Variants in SNX7 observed in about 807,000 individuals in gnomAD.
SNX7 encodes the protein sorting nexin 7.
In SNX7, 35 loss-of-function variants were observed where a neutral mutation model predicts 48.4. The observed-to-expected ratio is 0.72, with a 90% CI of 0.55 to 0.96. The LOEUF is 0.96. Ranked by LOEUF, SNX7 falls within the 40% of genes least tolerant of loss-of-function variation. SNX7 has a pLI of 0.00. For synonymous variants in SNX7, 190 were observed against 190.2 expected (o/e 1.00, Z 0.01); for missense variants, 553 against 548.9 (o/e 1.01, Z -0.07).
chr1:98,738,071 C>T (rs1430460696), intron 7 of SNX7, among the ~76,000 whole-genome samples, 166 bp from the exon 8 acceptor site: 1 of 152,042 alleles, frequency 6.6e-6, no homozygotes. Context: ...TGACTGAACC[C>T]CTGTTCTTTT....
intron 4 of SNX7, among the ~76,000 whole-genome samples, chr1:98,695,043 T>G (rs1484538988): frequency 6.6e-6 from 1 of 152,200 alleles, no homozygotes; most frequent in Non-Finnish European, 1.5e-5. Flanking sequence ...GTGCCCAGAA[T>G]GTATTAAGCT....
intron 1 of SNX7, among the ~76,000 whole-genome samples, chr1:98,668,943 C>G (rs1649689219): frequency 6.6e-6 from 1 of 152,174 alleles, no homozygotes; most frequent in Admixed American, 6.5e-5. Context: ...GAGGGTGTGA[C>G]AGTTGAACTG....
At chr1:98,740,658 C>T (rs1038296355) in intron 8 of SNX7, among the ~76,000 whole-genome samples, 1 of 151,920 alleles carries the variant, frequency 6.6e-6, no homozygotes, top group Admixed American at 6.6e-5. Flanking sequence ...TTTTCAGTCT[C>T]ATTGATTGAA....
At chr1:98,759,947 A>C in intron 8 of SNX7, 107 bp from the exon 9 acceptor site, 1 of 686,392 alleles carries the variant, frequency 1.5e-6, no homozygotes. Flanking sequence ...ATGGGAGAGA[A>C]GAATAGAGCA....
At chr1:98,691,830 C>T (rs557946429) in intron 4 of SNX7, 131 bp downstream of exon 4, 1 of 666,734 alleles carries the variant, frequency 1.5e-6, no homozygotes, top group African/African-American at 1.9e-5. Flanking sequence ...TTTTCAGAAA[C>T]ACTGGAGAGT....
intron 3 of SNX7, 45 bp from the exon 4 acceptor site, chr1:98,691,490 A>G (rs2100953760): frequency 1.4e-6 from 2 of 1,469,136 alleles, no homozygotes; most frequent in Non-Finnish European, 1.8e-6. Flanking sequence ...TTATAAACCT[A>G]TGGCTAATAA....
intron 1 of SNX7, among the ~76,000 whole-genome samples, chr1:98,663,253 G>GTTTTTTTTTTTT (rs61588201): frequency 2.4e-5 from 1 of 41,508 alleles, no homozygotes; most frequent in African/African-American, 7.5e-5. Flanking sequence ...TTTCTTTCTG[G>GTTTTTTTTTTTT]TTTTTTTTTT....
intron 1 of SNX7, among the ~76,000 whole-genome samples, chr1:98,681,345 C>A (rs1012736135): frequency 1.3e-5 from 2 of 152,172 alleles, no homozygotes; most frequent in Non-Finnish European, 2.9e-5. Context: ...CACAACCAAA[C>A]CTTGTCACAG....
intron 2 of SNX7, among the ~76,000 whole-genome samples, chr1:98,690,356 C>G (rs1158114453): frequency 6.6e-6 from 1 of 151,826 alleles, no homozygotes; most frequent in African/African-American, 2.4e-5. Context: ...TGATATTGTA[C>G]CCATGTTCTT....
chr1:98,715,254 C>G (rs1316593609), intron 7 of SNX7, among the ~76,000 whole-genome samples: 1 of 152,084 alleles, frequency 6.6e-6, no homozygotes, highest in Non-Finnish European at 1.5e-5. Flanking sequence ...TAGCATGCCT[C>G]CTATTTTAAC....
chr1:98,689,592 T>A (rs1650998809), intron 2 of SNX7, among the ~76,000 whole-genome samples: 1 of 152,218 alleles, frequency 6.6e-6, no homozygotes, highest in African/African-American at 2.4e-5. Flanking sequence ...CAATCTTATT[T>A]TAACTGCTGG....
intron 6 of SNX7, among the ~76,000 whole-genome samples, 154 bp from the exon 7 acceptor site, chr1:98,701,663 A>C (rs1368339386): frequency 1.3e-5 from 2 of 151,994 alleles, no homozygotes; most frequent in Admixed American, 1.3e-4. Flanking sequence ...GAGTAACAAA[A>C]AAAAAAAAAC....
chr1:98,753,943 T>C (rs1654710706), intron 8 of SNX7, among the ~76,000 whole-genome samples: 1 of 152,106 alleles, frequency 6.6e-6, no homozygotes, highest in Admixed American at 6.6e-5. Context: ...TTTAATTTCT[T>C]TTTTTTCTTG....
intron 1 of SNX7, among the ~76,000 whole-genome samples, chr1:98,677,616 A>G (rs1353322151): frequency 6.6e-6 from 1 of 152,218 alleles, no homozygotes; most frequent in Admixed American, 6.5e-5. Context: ...GCAGTGACTC[A>G]TGCCTGTAAT....
rs1435842946 is a variant in SNX7 at position 98,684,949 on chromosome 1, TAAACC to T, written c.249_253del (p.Ile85ValfsTer2). ...ATGCCAACATCCCCTTTATCAATGA[TAAACC>T]AAATCAAGTTTGAGGATGAACCAGA... On this transcript the variant is annotated frameshift_variant, in exon 2 of 9. Coordinates refer to ENST00000306121, the MANE Select transcript of SNX7 (RefSeq NM_015976.5). LOFTEE classifies it high-confidence loss of function. 6.3e-7 allele frequency: 1 copy of T among 1,599,532 alleles called. No individual in the cohort carries two copies. The highest frequency in any genetic ancestry group is 2.2e-5 in the East Asian group (1 of 44,636).
chr1:98,721,799 G>A (rs569222653), intron 7 of SNX7, among the ~76,000 whole-genome samples: 2 of 151,996 alleles, frequency 1.3e-5, no homozygotes, highest in Admixed American at 1.3e-4. Flanking sequence ...TCTAGGCTTA[G>A]GTTATATTTT....
At chr1:98,728,483 C>T (rs1653311912) in intron 7 of SNX7, among the ~76,000 whole-genome samples, 1 of 152,086 alleles carries the variant, frequency 6.6e-6, no homozygotes, top group Non-Finnish European at 1.5e-5. Flanking sequence ...CTAAATGCTC[C>T]AATTAAAAGA....
At chr1:98,667,895 A>G (rs1380429283) in intron 1 of SNX7, among the ~76,000 whole-genome samples, 1 of 151,080 alleles carries the variant, frequency 6.6e-6, no homozygotes, top group African/African-American at 2.4e-5. Flanking sequence ...GGGCCTTACC[A>G]TTTTGATGAT....
chr1:98,749,241 T>C (rs1013607853), intron 8 of SNX7, among the ~76,000 whole-genome samples: 1 of 152,176 alleles, frequency 6.6e-6, no homozygotes, highest in East Asian at 1.9e-4. Context: ...ATGAGAGAAA[T>C]GGAATAAATT....
Sources: allele counts gnomAD v4.1 joint callset (sites outside exome capture counted in the v4.1 genomes callset), GRCh38; gene constraint gnomAD v4.1.1; transcripts MANE v1.5; gene names NCBI Gene and HGNC (gene_info 2026-07-23, HGNC 2026-07-21).